MCMDC2: variants seen among roughly 807,000 people sequenced by gnomAD.
MCMDC2 encodes the protein minichromosome maintenance domain-containing protein 2.
In MCMDC2, 54 loss-of-function variants were observed where a neutral mutation model predicts 75.8. The observed-to-expected ratio is 0.71, with a 90% CI of 0.57 to 0.89. The LOEUF (loss-of-function observed/expected upper bound fraction) is 0.89, where lower values mean the gene tolerates loss of function less well. Among genes scored for constraint, MCMDC2 ranks in the 40% least tolerant of loss-of-function variants. The pLI, the probability that MCMDC2 is intolerant of heterozygous loss-of-function variation, is 0.00. For missense variants in MCMDC2, 656 were observed against 780.4 expected, an observed-to-expected ratio of 0.84 and a Z score of 1.90; for synonymous variants, 249 against 274.6, an observed-to-expected ratio of 0.91 and a Z score of 0.92.
At chr8:66,907,535 C>CGT in intron 14 of MCMDC2, among the ~76,000 whole-genome samples, 1 of 152,232 alleles carries the variant, frequency 6.6e-6, no homozygotes, top group South Asian at 2.1e-4. Context: ...AATAAACATA[C>CGT]GTGTGCATGT....
At chr8:66,891,905 A>G (rs1812126061) in intron 10 of MCMDC2, among the ~76,000 whole-genome samples, 1 of 152,226 alleles carries the variant, frequency 6.6e-6, no homozygotes, top group Admixed American at 6.5e-5. Flanking sequence ...GCATACTGCA[A>G]GTGGCTTCTA....
intron 9 of MCMDC2, among the ~76,000 whole-genome samples, chr8:66,889,697 G>T (rs1028113963): frequency 5.3e-5 from 8 of 152,148 alleles, no homozygotes; most frequent in Non-Finnish European, 1.0e-4. Context: ...TACTTGGGAG[G>T]CTGAGGAAGG....
rs1427339324 is a variant in MCMDC2 at position 66,878,606 on chromosome 8, G to A, written c.514G>A (p.Ala172Thr). 1 of 1,575,746 alleles carries A rather than the reference G, an allele frequency of 6.3e-7. No homozygotes were observed. The highest frequency in any genetic ancestry group is 1.4e-5 in the African/African-American group (1 of 73,412). The change falls in exon 6 of 15, where the codon GCT becomes ACT. Residue 172 changes from alanine (A) to threonine (T), a missense_variant. Physicochemically the swap from Ala to Thr is moderately conservative, Grantham distance 58 (BLOSUM62 0). Transcript: ENST00000422365. ...GTATATAAGAGTGCATGTGCCTGGT[G>A]CTACAGAATCTGCAACGATAAGAAA... The part of the protein sequence containing the change: ...FQYIRVHVPG[A>T]TESATIRNDF...
chr8:66,924,222 G>A (rs1316623203), downstream of MCMDC2, among the ~76,000 whole-genome samples: 1 of 151,902 alleles, frequency 6.6e-6, no homozygotes, highest in African/African-American at 2.4e-5. Context: ...TCAAGGATAA[G>A]CCATGACATT....
At chr8:66,880,710 G>A in intron 7 of MCMDC2, 139 bp from the exon 8 acceptor site, 2 of 818,900 alleles carry the variant, frequency 2.4e-6, no homozygotes, top group Non-Finnish European at 3.4e-6. Flanking sequence ...CACTCTATAT[G>A]GATATTATCC....
intron 4 of MCMDC2, 76 bp downstream of exon 4, chr8:66,874,662 A>G (rs77569237): frequency 1.2e-5 from 15 of 1,270,194 alleles, no homozygotes; most frequent in Non-Finnish European, 1.6e-5. Context: ...TTTTATATTC[A>G]TAGACTTTTT....
At chr8:66,911,093 G>A (rs1813100589) in intron 14 of MCMDC2, among the ~76,000 whole-genome samples, 1 of 152,184 alleles carries the variant, frequency 6.6e-6, no homozygotes, top group Non-Finnish European at 1.5e-5. Context: ...GATTTGAAAT[G>A]TGAAAGGGAC....
In MCMDC2 at chr8:66,880,936, G is replaced by A; in HGVS notation, c.797G>A (p.Cys266Tyr). ...TCVKTSQTAV[C>Y]IEANSITFCN... ...GTAAAAACCTCACAAACTGCTGTCT[G>A]TATAGAAGCAAATAGCATAACTTTT... Residue 266 changes from cysteine to tyrosine, a missense_variant, in exon 8 of 15, where the codon TGT becomes TAT. By Grantham distance (194) the Cys-to-Tyr change is radical. Transcript: ENST00000422365. 1.3e-6 allele frequency: 2 copies of A among 1,550,386 alleles called. No individual in the cohort carries two copies. The highest frequency in any genetic ancestry group is 8.7e-7 in the Non-Finnish European group (1 of 1,150,392).
downstream of MCMDC2, chr8:66,925,637 A>T (rs1441235863): frequency 1.3e-5 from 2 of 152,254 alleles, no homozygotes; most frequent in Admixed American, 6.5e-5. Context: ...AGGGGGGCTG[A>T]GTGCACCGGC....
chr8:66,871,134 C>T (rs1160377575), intron 1 of MCMDC2, among the ~76,000 whole-genome samples: 2 of 152,142 alleles, frequency 1.3e-5, no homozygotes, highest in Non-Finnish European at 2.9e-5. Flanking sequence ...CTTTTCCCGA[C>T]TTAATATGCC....
intron 1 of MCMDC2, among the ~76,000 whole-genome samples, chr8:66,872,035 A>C (rs1811047263): frequency 6.6e-6 from 1 of 152,178 alleles, no homozygotes; most frequent in Non-Finnish European, 1.5e-5. Flanking sequence ...GTCGCCCTTC[A>C]TTCCACCCCA....
chr8:66,881,177 G>A (rs1811540749), intron 8 of MCMDC2, among the ~76,000 whole-genome samples: 1 of 152,128 alleles, frequency 6.6e-6, no homozygotes, highest in African/African-American at 2.4e-5. Flanking sequence ...GACAATTTCA[G>A]ATAATAAGTA....
chr8:66,907,184 A>C (rs1424386078), intron 14 of MCMDC2, among the ~76,000 whole-genome samples: 1 of 151,984 alleles, frequency 6.6e-6, no homozygotes, highest in Non-Finnish European at 1.5e-5. Context: ...TCTAGGTTTT[A>C]AGCCCCGCAT....
At chr8:66,872,363 C>G (rs905703735) in intron 1 of MCMDC2, among the ~76,000 whole-genome samples, 5 of 152,150 alleles carry the variant, frequency 3.3e-5, no homozygotes, top group Non-Finnish European at 7.3e-5. Context: ...AGAATTCATA[C>G]CTTCTTCCCT....
At chr8:66,896,667 A>G in intron 11 of MCMDC2, 113 bp from the exon 12 acceptor site, 1 of 748,560 alleles carries the variant, frequency 1.3e-6, no homozygotes. Flanking sequence ...TTAATATGAT[A>G]AATAATAACT....
At chr8:66,902,707 A>T (rs1369799775) in intron 13 of MCMDC2, among the ~76,000 whole-genome samples, 124 of 121,072 alleles carry the variant, frequency 1.0e-3, no homozygotes, top group African/African-American at 3.4e-3. Flanking sequence ...AAAAAAAAAA[A>T]AAAAATATAT....
At chr8:66,926,237 C>T (rs926819116), downstream of MCMDC2, 1 of 152,170 alleles carries the variant, frequency 6.6e-6, no homozygotes, top group African/African-American at 2.4e-5. Flanking sequence ...TTGATTTTCA[C>T]GTCTTATTAC....
chr8:66,870,961 C>T (rs879568576), intron 1 of MCMDC2, 130 bp downstream of exon 1: 1 of 152,354 alleles, frequency 6.6e-6, no homozygotes, highest in Non-Finnish European at 1.5e-5. Context: ...GCAGTCTTCC[C>T]CTCACCAGTT....
At chr8:66,913,555 CAATA>C (rs1396463469) in intron 14 of MCMDC2, among the ~76,000 whole-genome samples, 1 of 151,994 alleles carries the variant, frequency 6.6e-6, no homozygotes, top group Non-Finnish European at 1.5e-5. Flanking sequence ...ATATGTGAGT[CAATA>C]AATATTTATT....
Sources: allele counts gnomAD v4.1 joint callset (sites outside exome capture counted in the v4.1 genomes callset), GRCh38; gene constraint gnomAD v4.1.1; transcripts MANE v1.5; gene names NCBI Gene and HGNC (gene_info 2026-07-23, HGNC 2026-07-21).